GPHN: variants seen among roughly 807,000 people sequenced by gnomAD.
GPHN encodes gephyrin.
GPHN carries 17 observed loss-of-function variants against 95.5 expected under a neutral mutation model. The ratio of observed to expected loss-of-function variants is 0.18; its 90% CI spans 0.12 to 0.27. The LOEUF (loss-of-function observed/expected upper bound fraction) is 0.27, where lower values mean the gene tolerates loss of function less well. Among genes scored for constraint, GPHN ranks in the 10% least tolerant of loss-of-function variants. The probability of loss-of-function intolerance (pLI) is 1.00; values close to 1 mark genes in which losing one functional copy is unlikely to be tolerated. For missense variants in GPHN, 660 were observed against 978.1 expected (o/e 0.67, Z 4.34); for synonymous variants, 320 against 322.5 (o/e 0.99, Z 0.08).
intron 2 of GPHN, among the ~76,000 whole-genome samples, chr14:66,714,642 G>A (rs997476806): frequency 2.0e-5 from 3 of 152,164 alleles, no homozygotes; most frequent in African/African-American, 7.2e-5. Flanking sequence ...TTACATTGAG[G>A]TGTGTCCCTT....
the GPHN span, among the ~76,000 whole-genome samples, chr14:67,362,056 C>G: frequency 1.4e-5 from 2 of 138,774 alleles, no homozygotes; most frequent in Admixed American, 7.7e-5. Flanking sequence ...GACAGAGTCT[C>G]TGTTGCCCAG....
chr14:66,887,622 C>T (rs1326166050), intron 5 of GPHN, among the ~76,000 whole-genome samples: 5 of 152,026 alleles, frequency 3.3e-5, no homozygotes, highest in Admixed American at 3.3e-4. Flanking sequence ...GAATACTTCC[C>T]CACCCCCACA....
intron 21 of GPHN, among the ~76,000 whole-genome samples, chr14:67,170,180 CTG>C (rs1265458576): frequency 6.6e-6 from 1 of 152,136 alleles, no homozygotes; most frequent in Non-Finnish European, 1.5e-5. Flanking sequence ...TTAACATTGA[CTG>C]TTTAAATGCT....
chr14:67,497,092 TTC>T, the GPHN span, among the ~76,000 whole-genome samples: 44 of 149,968 alleles, frequency 2.9e-4, no homozygotes, highest in South Asian at 8.4e-3. Context: ...GTGCCTTTCT[TTC>T]TCTCTCTCTC....
the GPHN span, among the ~76,000 whole-genome samples, chr14:67,378,969 T>C: frequency 6.6e-6 from 1 of 152,338 alleles, no homozygotes; most frequent in African/African-American, 2.4e-5. Flanking sequence ...AAATGTAACC[T>C]ATTGTATCTT....
At chr14:66,639,716 G>A (rs868084179) in intron 1 of GPHN, among the ~76,000 whole-genome samples, 1 of 151,698 alleles carries the variant, frequency 6.6e-6, no homozygotes, top group African/African-American at 2.4e-5. Flanking sequence ...AAATATGTAT[G>A]TGTGTACCCC....
chr14:67,270,621 A>G, the GPHN span: 47 of 150,012 alleles, frequency 3.1e-4, no homozygotes, highest in Middle Eastern at 0.01. Context: ...GGGAGAGTGC[A>G]ATTGCTTTGG....
At chr14:67,026,805 G>C (rs1444321626) in intron 10 of GPHN, among the ~76,000 whole-genome samples, 1 of 152,106 alleles carries the variant, frequency 6.6e-6, no homozygotes, top group African/African-American at 2.4e-5. Flanking sequence ...ACCTCGCCCG[G>C]CTAATTTTTT....
At position 67,035,430 on chromosome 14, in the gene GPHN, GA is replaced by G. The variant is rs1037256794; in HGVS notation, c.1006+11762del. Reference sequence around the variant, plus strand: ...ACAAAATAGAGAATAAAAATACTAGGAAAAAAAGCAATGAAACTAAGAGTAG... The same window carrying G: ...ACAAAATAGAGAATAAAAATACTAGGAAAAAAGCAATGAAACTAAGAGTAG... On this transcript the variant is annotated intron_variant, in intron 10 of 22. Transcript: ENST00000478722. 4.4e-4 allele frequency among the ~76,000 whole-genome samples: 67 copies of G among 151,536 alleles called. 1 individual carries two copies. The highest frequency in any genetic ancestry group is 1.4e-3 in the Admixed American group (22 of 15,226).
At chr14:66,726,797 C>G (rs942761458) in intron 2 of GPHN, among the ~76,000 whole-genome samples, 1 of 152,016 alleles carries the variant, frequency 6.6e-6, no homozygotes, top group Non-Finnish European at 1.5e-5. Context: ...GCCATGATGC[C>G]ACAGGTGAAA....
chr14:67,044,868 C>T (rs1043940862), intron 10 of GPHN, among the ~76,000 whole-genome samples: 1 of 151,932 alleles, frequency 6.6e-6, no homozygotes, highest in Non-Finnish European at 1.5e-5. Flanking sequence ...CTCTCTCTCT[C>T]TGTCTCTCTT....
chr14:67,441,108 A>G, the GPHN span, among the ~76,000 whole-genome samples: 1 of 152,194 alleles, frequency 6.6e-6, no homozygotes, highest in Admixed American at 6.5e-5. Context: ...AGAATGCAAC[A>G]TTTAGATGAA....
At chr14:67,576,134 T>A in the GPHN span, 1 of 704,172 alleles carries the variant, frequency 1.4e-6, no homozygotes, top group Non-Finnish European at 2.4e-6. The surrounding 1 kb of genome is among the most constrained non-coding windows in gnomAD (Gnocchi z 4.0). Flanking sequence ...ACTAATATTC[T>A]CTGAATGGGA....
rs1659988591 is a variant in GPHN, at chr14:66,739,538, TAAAC to T, written c.144-36922_144-36919del. Among the ~76,000 whole-genome samples, 9 of 150,472 alleles carry T rather than the reference TAAAC, an allele frequency of 6.0e-5. No homozygotes were observed. In the South Asian group the frequency reaches 1.9e-3, roughly 32 times the overall value. On this transcript the variant is annotated intron_variant, in intron 2 of 22. Coordinates refer to ENST00000478722, the MANE Select transcript of GPHN (RefSeq NM_020806.5). ...GCCCCTGCTTTTTTTTTTTTTTTTT[TAAAC>T]AAAACCATCAATGGAAGGAAAAACA...
At chr14:66,920,053 G>A (rs1372160086) in intron 6 of GPHN, among the ~76,000 whole-genome samples, 1 of 152,098 alleles carries the variant, frequency 6.6e-6, no homozygotes, top group Non-Finnish European at 1.5e-5. Flanking sequence ...GCGACAGAAT[G>A]AGACTCCGTC....
At chr14:67,249,639 T>C in the GPHN span, among the ~76,000 whole-genome samples, 1 of 152,226 alleles carries the variant, frequency 6.6e-6, no homozygotes, top group Non-Finnish European at 1.5e-5. Flanking sequence ...TATAGTTATC[T>C]TTTGAGTTAT....
At chr14:66,814,086 A>C (rs958470932) in intron 3 of GPHN, among the ~76,000 whole-genome samples, 10 of 152,248 alleles carry the variant, frequency 6.6e-5, no homozygotes, top group Non-Finnish European at 1.2e-4. Context: ...GCACACAGGA[A>C]CGCAGTCTGC....
intron 1 of GPHN, among the ~76,000 whole-genome samples, chr14:66,540,981 A>G (rs1001813790): frequency 1.3e-5 from 2 of 150,926 alleles, no homozygotes; most frequent in Admixed American, 1.3e-4. Context: ...GGAGTCTCCC[A>G]CTGTCACCCA....
the GPHN span, among the ~76,000 whole-genome samples, chr14:67,433,114 C>T: frequency 6.6e-6 from 1 of 152,146 alleles, no homozygotes; most frequent in Non-Finnish European, 1.5e-5. Flanking sequence ...CCTTAACCAG[C>T]CATGTCCCAA....
Sources: gnomAD v4.1 joint callset for allele counts (sites outside exome capture counted in the v4.1 genomes callset) on GRCh38, gnomAD v4.1.1 for gene constraint, Gnocchi (gnomAD v3.1) non-coding constraint, MANE v1.5 for transcripts, NCBI Gene and HGNC (gene_info 2026-07-23, HGNC 2026-07-21) for gene names.